PLA1A: variants seen among roughly 807,000 people sequenced by gnomAD.
PLA1A encodes the protein phospholipase A1 member A.
A neutral mutation model predicts 49.4 loss-of-function variants in PLA1A; 47 were observed. That is an observed-to-expected ratio of 0.95 (90% CI 0.75 to 1.21). The LOEUF is 1.21. Ranked by LOEUF, PLA1A falls within the 50% of genes most tolerant of loss-of-function variation. The pLI is 0.00. For missense variants in PLA1A, 561 were observed against 563.9 expected, an observed-to-expected ratio of 0.99 and a Z score of 0.05; for synonymous variants, 224 against 207.9, an observed-to-expected ratio of 1.08 and a Z score of -0.67.
intron 4 of PLA1A, among the ~76,000 whole-genome samples, chr3:119,612,146 C>G (rs1213236329): frequency 1.3e-5 from 2 of 152,130 alleles, no homozygotes; most frequent in African/African-American, 4.8e-5. Context: ...GGGGTGAGAG[C>G]CCATGGGGAT....
At chr3:119,609,811 A>G (rs1034516452) in intron 4 of PLA1A, among the ~76,000 whole-genome samples, 1 of 152,054 alleles carries the variant, frequency 6.6e-6, no homozygotes, top group Non-Finnish European at 1.5e-5. Context: ...TTTACTTTTT[A>G]TTTTTAAGTT....
chr3:119,609,530 G>C lies in PLA1A; in HGVS notation c.516G>C (p.Gly172=), dbSNP rs1357465946. The change falls in exon 4 of 11, where the codon GGG becomes GGC. Residue 172 remains glycine (G), a synonymous_variant. Transcript: ENST00000273371. ...IIGVSLGAHV[G]GMVGQLFGGQ... ...GTGTTAGCCTGGGGGCCCACGTTGG[G>C]GGCATGGTGGGACAGCTCTTCGGAG... 3.1e-6 allele frequency: 5 copies of C among 1,612,972 alleles called. No homozygotes were observed. The highest frequency in any genetic ancestry group is 4.2e-6 in the Non-Finnish European group (5 of 1,178,998).
At chr3:119,608,999 G>T (rs916090673) in intron 3 of PLA1A, 52 bp downstream of exon 3, 4 of 1,474,696 alleles carry the variant, frequency 2.7e-6, no homozygotes, top group Non-Finnish European at 3.8e-6. Context: ...AGGAGAGAGG[G>T]TCAGAAAGAC....
chr3:119,613,188 C>A, intron 5 of PLA1A, 70 bp downstream of exon 5: 1 of 1,007,586 alleles, frequency 9.9e-7, no homozygotes, highest in Non-Finnish European at 1.5e-6. Flanking sequence ...TGGCATCTAG[C>A]TCTGTGGCCC....
At chr3:119,621,714 G>C (rs1444893900) in intron 8 of PLA1A, among the ~76,000 whole-genome samples, 1 of 152,214 alleles carries the variant, frequency 6.6e-6, no homozygotes, top group Non-Finnish European at 1.5e-5. Context: ...GCTTGCAGAT[G>C]AGGGAACTGA....
chr3:119,608,242 GAGAAAGAAAGAAAGAAAGAA>G (rs560277882), intron 2 of PLA1A, among the ~76,000 whole-genome samples: 126 of 123,828 alleles, frequency 1.0e-3, no homozygotes, highest in Admixed American at 4.6e-3. Flanking sequence ...GAAAGAAAGA[GAGAAAGAAAGAAAGAAAGAA>G]AGAAAGAAAG....
chr3:119,602,464 A>G (rs571030008), intron 1 of PLA1A, among the ~76,000 whole-genome samples: 2 of 152,166 alleles, frequency 1.3e-5, no homozygotes, highest in Non-Finnish European at 2.9e-5. Flanking sequence ...TTTATGGTGT[A>G]AGGAAATCTA....
intron 8 of PLA1A, among the ~76,000 whole-genome samples, chr3:119,621,924 G>C (rs77899928): frequency 0.011 from 1,709 of 152,218 alleles, 27 homozygotes; most frequent in African/African-American, 0.038. Flanking sequence ...CAGGGTAAGT[G>C]AAGAAAGAAG....
intron 8 of PLA1A, among the ~76,000 whole-genome samples, chr3:119,622,152 A>AG (rs1560086888): frequency 5.7e-4 from 19 of 33,400 alleles, no homozygotes; most frequent in African/African-American, 1.6e-3. Flanking sequence ...AGGAGGAGGA[A>AG]GAAGAAGAAG....
intron 6 of PLA1A, among the ~76,000 whole-genome samples, chr3:119,617,150 C>T (rs894065868): frequency 3.3e-5 from 5 of 152,176 alleles, no homozygotes; most frequent in Admixed American, 2.0e-4. Context: ...ATGCTGCAAA[C>T]TTAAATAGTA....
At chr3:119,623,425 G>A (rs900298959) in intron 8 of PLA1A, among the ~76,000 whole-genome samples, 1 of 152,190 alleles carries the variant, frequency 6.6e-6, no homozygotes, top group African/African-American at 2.4e-5. Context: ...AGGATTTCAG[G>A]CATGAGCCAC....
chr3:119,628,957 C>A, intron 10 of PLA1A, 92 bp downstream of exon 10: 1 of 990,432 alleles, frequency 1.0e-6, no homozygotes, highest in Non-Finnish European at 1.6e-6. Flanking sequence ...GGTTCAATCT[C>A]ATCATAGTGA....
At chr3:119,620,482 C>G (rs2082914447) in intron 8 of PLA1A, among the ~76,000 whole-genome samples, 1 of 152,166 alleles carries the variant, frequency 6.6e-6, no homozygotes, top group Non-Finnish European at 1.5e-5. Context: ...TCACCTGGAC[C>G]TGGATTCAAA....
rs114400003 is a variant in PLA1A, at chr3:119,621,115, C to G, written c.1012+1463C>G. ...TTGCCAGGACCAGATGTCCTGACTT[C>G]TAATTCCAGCTGCTGGGCAGATTCA... On this transcript the variant is annotated intron_variant, in intron 8 of 10. Transcript: ENST00000273371. Among the ~76,000 whole-genome samples the G allele has an allele frequency of 4.7e-3, 712 of 152,338 alleles. 4 individuals carry two copies. Among genetic ancestry groups the G allele is most frequent in the South Asian group, 0.015 (71 of 4,824 alleles).
In PLA1A at chr3:119,628,756, C is replaced by T. The variant is rs750435300; in HGVS notation, c.1177C>T (p.Gln393Ter). 1 of 1,614,068 alleles carries T rather than the reference C, an allele frequency of 6.2e-7. No individual in the cohort carries two copies. Among genetic ancestry groups the T allele is most frequent in the Non-Finnish European group, 8.5e-7 (1 of 1,179,890 alleles). Residue 393 changes from glutamine to a stop codon, truncating the protein, a stop_gained, in exon 10 of 11, where the codon CAG (glutamine) becomes TAG (stop). Transcript: ENST00000273371. LOFTEE classifies it high-confidence loss of function. ...GIIAHATPQC[Q>*]INQVKFKFQS... is the part of the protein sequence containing the mutation. ...CATAGCCCATGCCACCCCACAATGCCAGATAAACCAAGTGAAATTCAAGTT... is the reference window on the plus strand; with the variant it reads ...CATAGCCCATGCCACCCCACAATGCTAGATAAACCAAGTGAAATTCAAGTT...
chr3:119,625,098 G>C, intron 8 of PLA1A, 26 bp from the exon 9 acceptor site: 2 of 1,479,892 alleles, frequency 1.4e-6, no homozygotes, highest in South Asian at 2.3e-5. Context: ...CCTCTGGCCA[G>C]TCTCTGTTGT....
At chr3:119,627,367 C>A (rs1483926108) in intron 9 of PLA1A, among the ~76,000 whole-genome samples, 1 of 152,124 alleles carries the variant, frequency 6.6e-6, no homozygotes, top group Non-Finnish European at 1.5e-5. Context: ...TTTTCATATT[C>A]CTTGTATTTT....
At chr3:119,601,772 C>T (rs576423039) in intron 1 of PLA1A, among the ~76,000 whole-genome samples, 1 of 152,112 alleles carries the variant, frequency 6.6e-6, no homozygotes, top group African/African-American at 2.4e-5. Context: ...TTATCTGTTC[C>T]CTGTTCTAAA....
chr3:119,600,578 G>T (rs1309418630), intron 1 of PLA1A, among the ~76,000 whole-genome samples: 1 of 152,156 alleles, frequency 6.6e-6, no homozygotes, highest in African/African-American at 2.4e-5. Context: ...GCCTCACCCA[G>T]GCCCAGGCAC....
Sources: allele counts gnomAD v4.1 joint callset (sites outside exome capture counted in the v4.1 genomes callset), GRCh38; gene constraint gnomAD v4.1.1; transcripts MANE v1.5; gene names NCBI Gene and HGNC (gene_info 2026-07-23, HGNC 2026-07-21).